The following SULF1 variants were observed in gnomAD, a reference collection of about 807,000 sequenced individuals.
The protein encoded by SULF1 is sulfatase 1.
In SULF1, 46 loss-of-function variants were observed where a neutral mutation model predicts 110.5. The observed-to-expected ratio is 0.42, with a 90% CI of 0.33 to 0.53. The LOEUF (loss-of-function observed/expected upper bound fraction) is 0.53. Among genes scored for constraint, SULF1 ranks in the 20% least tolerant of loss-of-function variants. The probability of loss-of-function intolerance (pLI) is 0.12; values close to 1 mark genes in which losing one functional copy is unlikely to be tolerated. For synonymous variants in SULF1, 371 were observed against 387.1 expected, an observed-to-expected ratio of 0.96 and a Z score of 0.49; for missense variants, 941 against 1,094.2, an observed-to-expected ratio of 0.86 and a Z score of 1.98.
chr8:69,526,592 T>C (rs1219251259), intron 3 of SULF1, among the ~76,000 whole-genome samples: 2 of 80,320 alleles, frequency 2.5e-5, no homozygotes, highest in African/African-American at 1.3e-4. Context: ...TGAGACAGTA[T>C]CTCTACCAAA....
chr8:69,624,184 C>A lies in SULF1; in HGVS notation c.1837C>A (p.Arg613=), dbSNP rs370193108. The part of the protein sequence containing the change: ...SNAVGPPTTV[R]VTHKCFILPN... ...CGCCGTGGGCCCACCTACCACTGTC[C>A]GAGTGACACACAAGTAAGAAAGCTT... is the stretch of plus-strand genomic sequence containing the variant. Residue 613 remains arginine (R), a synonymous_variant, in exon 15 of 23, where the codon CGA becomes AGA. Coordinates refer to ENST00000402687, the MANE Select transcript of SULF1 (RefSeq NM_001128205.2). The A allele has an allele frequency of 1.1e-5, 17 of 1,583,582 alleles. No individual in the cohort carries two copies. Among genetic ancestry groups the A allele is most frequent in the Non-Finnish European group, 1.4e-5 (16 of 1,163,798 alleles).
intron 3 of SULF1, among the ~76,000 whole-genome samples, chr8:69,561,169 C>T (rs1040774205): frequency 6.6e-6 from 1 of 152,114 alleles, no homozygotes; most frequent in African/African-American, 2.4e-5. Flanking sequence ...AGGAGATAGA[C>T]ATGTTAATTA....
chr8:69,612,135 T>C (rs181584565), intron 13 of SULF1, among the ~76,000 whole-genome samples: 23 of 152,344 alleles, frequency 1.5e-4, no homozygotes, highest in Admixed American at 1.4e-3. Context: ...TCACTTAGAA[T>C]AGTGGTCTCC....
intron 7 of SULF1, among the ~76,000 whole-genome samples, 159 bp from the exon 8 acceptor site, chr8:69,588,813 C>G (rs947820603): frequency 6.6e-6 from 1 of 152,118 alleles, no homozygotes; most frequent in Admixed American, 6.6e-5. Context: ...TCTCTATTAT[C>G]GAAAATGTTC....
intron 1 of SULF1, among the ~76,000 whole-genome samples, chr8:69,473,848 A>G (rs1411811024): frequency 6.6e-6 from 1 of 152,192 alleles, no homozygotes; most frequent in African/African-American, 2.4e-5. Context: ...GAAACTCTGA[A>G]CTAATTTTTT....
intron 3 of SULF1, among the ~76,000 whole-genome samples, chr8:69,521,197 A>G (rs1403595355): frequency 1.3e-5 from 2 of 152,108 alleles, no homozygotes; most frequent in Admixed American, 6.6e-5. Flanking sequence ...TCCTTTATTT[A>G]TGCATTCATT....
At chr8:69,519,614 A>G (rs1405418324) in intron 3 of SULF1, among the ~76,000 whole-genome samples, 1 of 152,172 alleles carries the variant, frequency 6.6e-6, no homozygotes, top group Non-Finnish European at 1.5e-5. Flanking sequence ...ATGACACGTT[A>G]TTCTAGAATA....
intron 5 of SULF1, among the ~76,000 whole-genome samples, chr8:69,572,546 A>C (rs568980502): frequency 8.1e-4 from 124 of 152,280 alleles, no homozygotes; most frequent in African/African-American, 2.9e-3. Flanking sequence ...AGATCACTCA[A>C]AATTAGGCAC....
intron 5 of SULF1, among the ~76,000 whole-genome samples, chr8:69,572,658 G>A (rs1415158852): frequency 6.6e-6 from 1 of 152,018 alleles, no homozygotes; most frequent in Non-Finnish European, 1.5e-5. Context: ...GCTTCACCCA[G>A]GTTTCATTAG....
intron 22 of SULF1, among the ~76,000 whole-genome samples, chr8:69,647,619 C>T (rs775346292): frequency 3.3e-5 from 5 of 151,964 alleles, no homozygotes; most frequent in Non-Finnish European, 7.4e-5. Context: ...AAAATAAAAA[C>T]GGCTAGGCAC....
At chr8:69,560,845 T>C (rs941721193) in intron 3 of SULF1, among the ~76,000 whole-genome samples, 5 of 152,178 alleles carry the variant, frequency 3.3e-5, no homozygotes, top group African/African-American at 1.2e-4. Context: ...GTGGCATGTT[T>C]TGTGTGTTTT....
intron 15 of SULF1, 63 bp downstream of exon 15, chr8:69,624,260 T>C (rs1809830469): frequency 2.0e-6 from 3 of 1,513,588 alleles, no homozygotes. Flanking sequence ...CACACCATAT[T>C]ATCACCATTT....
At chr8:69,525,165 T>G (rs1043180697) in intron 3 of SULF1, among the ~76,000 whole-genome samples, 55 of 152,180 alleles carry the variant, frequency 3.6e-4, no homozygotes, top group African/African-American at 1.2e-3. Flanking sequence ...TTTTCCCTAG[T>G]TAAGCTATAT....
At chr8:69,529,814 C>T (rs1393351047) in intron 3 of SULF1, among the ~76,000 whole-genome samples, 1 of 152,180 alleles carries the variant, frequency 6.6e-6, no homozygotes, top group African/African-American at 2.4e-5. Flanking sequence ...TCTGAGAGAA[C>T]AAGGCAGAAG....
Position 69,659,269 on chromosome 8 carries a change from G to C in SULF1, c.*734G>C. The C allele has an allele frequency of 2.2e-6, 1 of 450,162 alleles. No homozygotes were observed. Among genetic ancestry groups the C allele is most frequent in the Non-Finnish European group, 4.5e-6 (1 of 224,146 alleles). 27.9% of individuals were successfully genotyped at this position (450,162 alleles called of 1,614,324 possible). A position where few individuals can be genotyped will look rare whatever the true frequency, so the allele number is the denominator to read the frequency against. On this transcript the variant is annotated 3_prime_UTR_variant, in exon 23 of 23. Transcript: ENST00000402687. ...CAAGGTGGAGAAGAATCACGAAAAG[G>C]AGAAGTCACAGCACCTAGAAGGCAG... is the stretch of plus-strand genomic sequence containing the variant.
intron 6 of SULF1, among the ~76,000 whole-genome samples, chr8:69,576,520 G>A (rs895625388): frequency 2.0e-5 from 3 of 152,116 alleles, no homozygotes; most frequent in African/African-American, 7.2e-5. Flanking sequence ...GGTCTCAAAT[G>A]TTCACTTCTA....
chr8:69,586,771 C>CTG (rs139292495), intron 7 of SULF1, among the ~76,000 whole-genome samples: 2,719 of 152,228 alleles, frequency 0.018, 78 homozygotes, highest in African/African-American at 0.06. Context: ...ATTCTCTGCT[C>CTG]TCTTATGATA....
intron 3 of SULF1, among the ~76,000 whole-genome samples, chr8:69,533,009 C>T (rs996435854): frequency 6.6e-6 from 1 of 152,144 alleles, no homozygotes; most frequent in Non-Finnish European, 1.5e-5. Flanking sequence ...TCAAGACAAA[C>T]AAATGAAAAC....
At chr8:69,554,073 T>C (rs943349226) in intron 3 of SULF1, among the ~76,000 whole-genome samples, 1 of 152,212 alleles carries the variant, frequency 6.6e-6, no homozygotes, top group African/African-American at 2.4e-5. Context: ...GTGACCAGCT[T>C]TCATGAATGG....
Sources: gnomAD v4.1 joint callset for allele counts (sites outside exome capture counted in the v4.1 genomes callset) on GRCh38, gnomAD v4.1.1 for gene constraint, MANE v1.5 for transcripts, NCBI Gene and HGNC (gene_info 2026-07-23, HGNC 2026-07-21) for gene names.